The following EIF2AK4 variants were observed in gnomAD, a reference collection of about 807,000 sequenced individuals.
EIF2AK4 encodes eukaryotic translation initiation factor 2 alpha kinase 4, also known as eIF-2-alpha kinase GCN2.
In EIF2AK4, 139 loss-of-function variants were observed where a neutral mutation model predicts 211.1. That is an observed-to-expected ratio of 0.66 (90% CI 0.57 to 0.76). The LOEUF (loss-of-function observed/expected upper bound fraction) is 0.76, where lower values mean the gene tolerates loss of function less well. Ranked by LOEUF, EIF2AK4 falls within the 30% of genes least tolerant of loss-of-function variation. EIF2AK4 has a pLI of 0.00. For missense variants in EIF2AK4, 1,664 were observed against 2,043.8 expected, an observed-to-expected ratio of 0.81 and a Z score of 3.58; for synonymous variants, 710 against 751.3, an observed-to-expected ratio of 0.94 and a Z score of 0.90.
chr15:40,028,443 T>C (rs1198011936), intron 33 of EIF2AK4, among the ~76,000 whole-genome samples: 1 of 152,198 alleles, frequency 6.6e-6, no homozygotes, highest in Non-Finnish European at 1.5e-5. Context: ...TCTGGCAATG[T>C]ATGGAGACAT....
At chr15:39,952,446 T>C (rs1211201024) in intron 4 of EIF2AK4, among the ~76,000 whole-genome samples, 1 of 152,154 alleles carries the variant, frequency 6.6e-6, no homozygotes, top group Non-Finnish European at 1.5e-5. Flanking sequence ...TGCCTAATTT[T>C]AAAATTTTTT....
At chr15:39,983,889 C>T (rs1016907702) in intron 13 of EIF2AK4, among the ~76,000 whole-genome samples, 2 of 152,142 alleles carry the variant, frequency 1.3e-5, no homozygotes, top group African/African-American at 2.4e-5. Context: ...GCTTTTATTG[C>T]CATTGCTTTT....
chr15:39,942,441 A>G (rs2034158112), intron 2 of EIF2AK4, among the ~76,000 whole-genome samples: 1 of 152,250 alleles, frequency 6.6e-6, no homozygotes. Context: ...ATAGAAATAG[A>G]TAATGATCAT....
rs752456930 is a variant in EIF2AK4 at position 40,007,026 on chromosome 15, C to T, written c.3368C>T (p.Ala1123Val). 9.4e-6 allele frequency: 15 copies of T among 1,597,400 alleles called. No homozygotes were observed. The African/African-American group carries it at 2.0e-4, about 21-fold the overall frequency. ...MLPFDLRIPF[A>V]RYVARNNILN... ...TTGTTTATTTTTCAGATCCCTTTTG[C>T]AAGATATGTGGCAAGAAATAATATA... Residue 1123 changes from alanine (A) to valine (V), a missense_variant, in exon 24 of 39, where the codon GCA becomes GTA. Transcript: ENST00000263791.
At chr15:39,987,274 C>T (rs571810121) in intron 14 of EIF2AK4, among the ~76,000 whole-genome samples, 2 of 152,234 alleles carry the variant, frequency 1.3e-5, no homozygotes, top group African/African-American at 4.8e-5. Flanking sequence ...TTGTGAGGCC[C>T]GGAGGGTGAA....
chr15:39,967,635 G>A lies in EIF2AK4; in HGVS notation c.1309G>A (p.Gly437Ser), dbSNP rs1373476284. The stretch of plus-strand genomic sequence containing the variant: ...ATCTAATGTCTTGGTGGATGCAGAA[G>A]GCACCGTCAAGATTACGGACTATAG... The part of the protein sequence containing the change: ...SASNVLVDAE[G>S]TVKITDYSIS... Residue 437 changes from glycine to serine, a missense_variant, in exon 9 of 39, where the codon GGC (glycine) becomes AGC (serine). By Grantham distance (56) the Gly-to-Ser change is moderately conservative. Coordinates refer to ENST00000263791, the MANE Select transcript of EIF2AK4 (RefSeq NM_001013703.4). The A allele has an allele frequency of 1.2e-6, 2 of 1,614,156 alleles. No individual in the cohort carries two copies.
At chr15:40,007,582 G>T (rs1404495076) in intron 24 of EIF2AK4, among the ~76,000 whole-genome samples, 3 of 152,166 alleles carry the variant, frequency 2.0e-5, no homozygotes, top group Non-Finnish European at 4.4e-5. Flanking sequence ...TACCACAGGG[G>T]TCCAACACTG....
intron 1 of EIF2AK4, 128 bp downstream of exon 1, chr15:39,934,467 C>A: frequency 7.8e-7 from 1 of 1,287,438 alleles, no homozygotes; most frequent in Non-Finnish European, 1.0e-6. Context: ...CCTTAGGTTC[C>A]ACCCATGCTC....
intron 9 of EIF2AK4, among the ~76,000 whole-genome samples, chr15:39,968,577 G>A (rs1285212001): frequency 1.3e-5 from 2 of 152,192 alleles, no homozygotes; most frequent in Non-Finnish European, 2.9e-5. Flanking sequence ...CCTTCAGTCT[G>A]GATTTTTCCA....
Position 40,021,042 on chromosome 15 carries a change from AG to A in EIF2AK4, c.4302+16del. 1 of 1,610,112 alleles carries A rather than the reference AG, an allele frequency of 6.2e-7. No individual in the cohort carries two copies. The highest frequency in any genetic ancestry group is 8.5e-7 in the Non-Finnish European group (1 of 1,177,954). Reference sequence around the variant, plus strand: ...ACTGGTCACAGGTAATGGGACAAAAAGCACCTGTGAGTGAAGTGCAAATTGC... The same window carrying A: ...ACTGGTCACAGGTAATGGGACAAAAACACCTGTGAGTGAAGTGCAAATTGC... On this transcript the variant is annotated intron_variant, in intron 31 of 38. Transcript: ENST00000263791.
Position 39,982,535 on chromosome 15 carries a change from TC to T in EIF2AK4, c.2320-3268del. On this transcript the variant is annotated intron_variant, in intron 13 of 38. Coordinates refer to ENST00000263791, the MANE Select transcript of EIF2AK4 (RefSeq NM_001013703.4). ...AATAATTCTGTGAGCTTCTTTTTTT[TC>T]CTTTTTCTTTTCTTTTCTTTTTTTA... is the stretch of plus-strand genomic sequence containing the variant. Among the ~76,000 whole-genome samples the T allele has an allele frequency of 2.0e-5, 3 of 152,292 alleles. No individual in the cohort carries two copies. The South Asian group carries it at 6.2e-4, about 32-fold the overall frequency.
chr15:39,965,602 A>G, intron 7 of EIF2AK4, 84 bp from the exon 8 acceptor site: 1 of 1,478,052 alleles, frequency 6.8e-7, no homozygotes, highest in Non-Finnish European at 9.2e-7. Flanking sequence ...GTTGAACTAA[A>G]GAATGTGTAT....
intron 1 of EIF2AK4, among the ~76,000 whole-genome samples, chr15:39,937,587 T>G (rs1054239748): frequency 6.6e-6 from 1 of 152,230 alleles, no homozygotes; most frequent in Non-Finnish European, 1.5e-5. Flanking sequence ...GACCTTTTTT[T>G]TCTTTTATGG....
rs2034379631 is a variant in EIF2AK4 at position 39,955,654 on chromosome 15, A to T, written c.629A>T (p.Asp210Val). ...RLEIASLSNQ[D>V]HTSKKDPGGH... ...GAAATTGCTAGTTTGTCAAACCAAG[A>T]TCATACCTCTAAGAAGGACCCAGGA... The change falls in exon 6 of 39, where the codon GAT (aspartate) becomes GTT (valine). Residue 210 changes from aspartate to valine, a missense_variant. Physicochemically the swap from Asp to Val is radical, Grantham distance 152. Coordinates refer to ENST00000263791, the MANE Select transcript of EIF2AK4 (RefSeq NM_001013703.4). The T allele has an allele frequency of 1.9e-6, 3 of 1,610,882 alleles. No individual in the cohort carries two copies. The highest frequency in any genetic ancestry group is 1.7e-5 in the Admixed American group (1 of 59,188).
intron 13 of EIF2AK4, among the ~76,000 whole-genome samples, chr15:39,983,405 T>C (rs922794069): frequency 2.6e-5 from 4 of 152,186 alleles, no homozygotes; most frequent in African/African-American, 9.7e-5. Context: ...TGTTTTTTTC[T>C]TGTAAATTTG....
At chr15:40,014,349 G>A (rs1022855833) in intron 27 of EIF2AK4, among the ~76,000 whole-genome samples, 1 of 152,252 alleles carries the variant, frequency 6.6e-6, no homozygotes, top group African/African-American at 2.4e-5. Flanking sequence ...ACTTCTGCCT[G>A]GGCATCCAGG....
At chr15:39,986,275 T>G (rs994308029) in intron 14 of EIF2AK4, among the ~76,000 whole-genome samples, 1 of 152,264 alleles carries the variant, frequency 6.6e-6, no homozygotes, top group Non-Finnish European at 1.5e-5. Flanking sequence ...GAACCATATC[T>G]GAGTTCCATA....
intron 24 of EIF2AK4, among the ~76,000 whole-genome samples, chr15:40,007,735 G>A (rs2035180658): frequency 6.6e-6 from 1 of 152,164 alleles, no homozygotes; most frequent in African/African-American, 2.4e-5. Flanking sequence ...TATGGTGTGG[G>A]TATCCCTGTG....
At chr15:39,982,379 G>A (rs965673911) in intron 13 of EIF2AK4, among the ~76,000 whole-genome samples, 11 of 152,226 alleles carry the variant, frequency 7.2e-5, no homozygotes, top group Admixed American at 5.2e-4. Context: ...GGTTATCAGC[G>A]GTAAGAAAGA....
Sources: gnomAD v4.1 joint callset for allele counts (sites outside exome capture counted in the v4.1 genomes callset) on GRCh38, gnomAD v4.1.1 for gene constraint, MANE v1.5 for transcripts, NCBI Gene and HGNC (gene_info 2026-07-23, HGNC 2026-07-21) for gene names.